SPATA31A1: variants seen among roughly 807,000 people sequenced by gnomAD.
The protein encoded by SPATA31A1 is SPATA31 subfamily A member 1, also known as spermatogenesis-associated protein 31A1.
For missense variants in SPATA31A1, 579 were observed against 1,476.3 expected (o/e 0.39, Z 9.96); for synonymous variants, 194 against 573.4 (o/e 0.34, Z 9.45).
In SPATA31A1 at chr9:39,361,742, A is replaced by C; in HGVS notation, c.3977A>C (p.Lys1326Thr). ...GTCAGTCCCCTTCAGCACTGGCCGA[A>C]GACATCCGGTGCCTCTAGCCACCAT... ...SPVSPLQHWP[K>T]TSGASSHHHH... Residue 1326 changes from lysine (K) to threonine (T), a missense_variant, in exon 4 of 4, where the codon AAG (lysine) becomes ACG (threonine). Coordinates refer to ENST00000377647, the MANE Select transcript of SPATA31A1 (RefSeq NM_001085452.4). The C allele has an allele frequency of 6.2e-7, 1 of 1,612,490 alleles. No individual in the cohort carries two copies. The highest frequency in any genetic ancestry group is 1.1e-5 in the South Asian group (1 of 90,994).
chr9:39,361,267 A>G lies in SPATA31A1; in HGVS notation c.3502A>G (p.Lys1168Glu). 1 of 1,612,070 alleles carries G rather than the reference A, an allele frequency of 6.2e-7. No individual in the cohort carries two copies. The highest frequency in any genetic ancestry group is 1.1e-5 in the South Asian group (1 of 90,994). Reference sequence around the variant, plus strand: ...AGTAAGCCACTTTGGAGGAAACATCAAGCAATTTTTTCAGTGGATTTTTTC... The same window carrying G: ...AGTAAGCCACTTTGGAGGAAACATCGAGCAATTTTTTCAGTGGATTTTTTC... The part of the protein sequence containing the change: ...PSVSHFGGNI[K>E]QFFQWIFSKK... Residue 1168 changes from lysine to glutamate, a missense_variant, in exon 4 of 4, where the codon AAG (lysine) becomes GAG (glutamate). Physicochemically the swap from Lys to Glu is moderately conservative, Grantham distance 56 (BLOSUM62 1). Coordinates refer to ENST00000377647, the MANE Select transcript of SPATA31A1 (RefSeq NM_001085452.4).
rs1288316463 is a variant in SPATA31A1, at chr9:39,358,348, C to T, written c.583C>T (p.His195Tyr). 6.6e-7 allele frequency: 1 copy of T among 1,519,418 alleles called. No homozygotes were observed. The highest frequency in any genetic ancestry group is 1.7e-5 in the African/African-American group (1 of 58,946). 94.1% of individuals were successfully genotyped at this position (1,519,418 alleles called of 1,614,324 possible). ...ACCAGAACCTTCCCTTCCCCTAGAACACCCCTCACCCGAGCCACCTGCACT... is the reference window on the plus strand; with the variant it reads ...ACCAGAACCTTCCCTTCCCCTAGAATACCCCTCACCCGAGCCACCTGCACT... ...QPPEPSLPLE[H>Y]PSPEPPALFP... The change falls in exon 4 of 4, where the codon CAC (histidine) becomes TAC (tyrosine). Residue 195 changes from histidine (H) to tyrosine (Y), a missense_variant. Transcript: ENST00000377647.
chr9:39,358,391 A>G lies in SPATA31A1; in HGVS notation c.626A>G (p.His209Arg). The G allele has an allele frequency of 1.3e-6, 2 of 1,512,592 alleles. No homozygotes were observed. Among genetic ancestry groups the G allele is most frequent in the Non-Finnish European group, 8.9e-7 (1 of 1,122,520 alleles). 93.7% of individuals were successfully genotyped at this position (1,512,592 alleles called of 1,614,324 possible). A position where few individuals can be genotyped will look rare whatever the true frequency, so the allele number is the denominator to read the frequency against. Residue 209 changes from histidine (H) to arginine (R), a missense_variant, in exon 4 of 4, where the codon CAC (histidine) becomes CGC (arginine). Physicochemically the swap from His to Arg is conservative, Grantham distance 29. Coordinates refer to ENST00000377647, the MANE Select transcript of SPATA31A1 (RefSeq NM_001085452.4). ...CCTGCACTTTTCCCTCACCCACCACACACCCCTGATCCTCTGGCCTGCTCT... is the reference window on the plus strand; with the variant it reads ...CCTGCACTTTTCCCTCACCCACCACGCACCCCTGATCCTCTGGCCTGCTCT... ...EPPALFPHPP[H>R]TPDPLACSPP...
At chr9:39,357,104 T>TA (rs1399789065) in intron 1 of SPATA31A1, 28 bp from the exon 2 acceptor site, 1 of 1,603,476 alleles carries the variant, frequency 6.2e-7, no homozygotes, top group African/African-American at 1.4e-5. Flanking sequence ...CGCGTCATCT[T>TA]GTCTCCGTAC....
In SPATA31A1 at chr9:39,358,746, C is replaced by T. The variant is rs1210889278; in HGVS notation, c.981C>T (p.Ala327=). 55 of 1,603,064 alleles carry T rather than the reference C, an allele frequency of 3.4e-5. No individual in the cohort carries two copies. The Middle Eastern group carries it at 6.6e-4, about 19-fold the overall frequency. Residue 327 remains alanine, a synonymous_variant, in exon 4 of 4, where the codon GCC becomes GCT. Transcript: ENST00000377647. ...TGCTCAGCTCTGATGGCCAGAATGC[C>T]GTGGGGATACAAGTCACAGAAACAG... The part of the protein sequence containing the change: ...LFLLSSDGQN[A]VGIQVTETAK...
Position 39,355,842 on chromosome 9 carries a change from T to C in SPATA31A1, c.112T>C (p.Phe38Leu). The change falls in exon 1 of 4, where the codon TTC (phenylalanine) becomes CTC (leucine). Residue 38 changes from phenylalanine (F) to leucine (L), a missense_variant. By Grantham distance (22) the Phe-to-Leu change is conservative. Transcript: ENST00000377647. Reference protein sequence around the residue: ...IFLTLVFALGFFFLLLPYLSY... With the variant: ...IFLTLVFALGLFFLLLPYLSY... ...CCTCACTTTGGTGTTTGCCCTGGGG[T>C]TCTTCTTCCTATTACTCCCCTACTT... is the stretch of plus-strand genomic sequence containing the variant. 2.8e-6 allele frequency: 1 copy of C among 356,018 alleles called. No homozygotes were observed. Among genetic ancestry groups the C allele is most frequent in the Non-Finnish European group, 4.4e-6 (1 of 226,184 alleles). 22.1% of individuals were successfully genotyped at this position (356,018 alleles called of 1,614,324 possible). A position where few individuals can be genotyped will look rare whatever the true frequency, so the allele number is the denominator to read the frequency against.
chr9:39,356,417 G>T (rs1222378334), intron 1 of SPATA31A1, among the ~76,000 whole-genome samples: 1 of 118,572 alleles, frequency 8.4e-6, no homozygotes, highest in Non-Finnish European at 1.8e-5. Flanking sequence ...CTGAACTTGG[G>T]TGTTCCTGGA....
At chr9:39,357,891 G>A (rs1419437346) in intron 3 of SPATA31A1, 73 bp downstream of exon 3, 65 of 1,500,438 alleles carry the variant, frequency 4.3e-5, no homozygotes, top group South Asian at 4.9e-5. Context: ...AGGCAGCCTG[G>A]AGCTGACCTG....
chr9:39,358,832 C>T lies in SPATA31A1; in HGVS notation c.1067C>T (p.Pro356Leu). Residue 356 changes from proline to leucine, a missense_variant, in exon 4 of 4, where the codon CCA becomes CTA. Pro to Leu is a moderately conservative substitution (Grantham distance 98). Coordinates refer to ENST00000377647, the MANE Select transcript of SPATA31A1 (RefSeq NM_001085452.4). ...GGATCATTTACAGATCGAATGACCC[C>T]AGAAAAGCACTTAAATTCTTTGCGG... ...NVGSFTDRMT[P>L]EKHLNSLRNL... The T allele has an allele frequency of 1.3e-6, 2 of 1,596,528 alleles. No individual in the cohort carries two copies. Among genetic ancestry groups the T allele is most frequent in the Non-Finnish European group, 1.7e-6 (2 of 1,179,736 alleles).
intron 2 of SPATA31A1, 105 bp from the exon 3 acceptor site, chr9:39,357,653 C>T: frequency 1.9e-6 from 3 of 1,596,422 alleles, no homozygotes; most frequent in Non-Finnish European, 2.6e-6. Flanking sequence ...GGGTGGGGCC[C>T]AGGGTCTAAT....
At position 39,357,556 on chromosome 9, in the gene SPATA31A1, C is replaced by T. The variant is rs1043477684; in HGVS notation, c.248-202C>T. On this transcript the variant is annotated intron_variant, in intron 2 of 3. Coordinates refer to ENST00000377647, the MANE Select transcript of SPATA31A1 (RefSeq NM_001085452.4). ...GTGAGGACTGTGGGGGTGGGGGGTC[C>T]GTGTGTGGAAGCCCTTTGTGAATGA... The T allele has an allele frequency of 1.6e-5, 11 of 707,620 alleles. 1 individual carries two copies. The highest frequency in any genetic ancestry group is 7.4e-5 in the African/African-American group (4 of 53,908). The allele number at this position is 707,620 out of a possible 1,614,324, so 43.8% of individuals were successfully genotyped here.
rs1313661465 is a variant in SPATA31A1 at position 39,361,209 on chromosome 9, C to T, written c.3444C>T (p.Val1148=). Residue 1148 remains valine (V), a synonymous_variant, in exon 4 of 4, where the codon GTC becomes GTT. Transcript: ENST00000377647. Reference sequence around the variant, plus strand: ...AAGACACCCATCAGGATGAAGGCGTCCAGCTACTGCCATCAAAGAAACAGC... The same window carrying T: ...AAGACACCCATCAGGATGAAGGCGTTCAGCTACTGCCATCAAAGAAACAGC... ...KTEDTHQDEG[V]QLLPSKKQPP... 1 of 1,611,540 alleles carries T rather than the reference C, an allele frequency of 6.2e-7. No homozygotes were observed. The highest frequency in any genetic ancestry group is 2.2e-5 in the East Asian group (1 of 44,872).
chr9:39,358,452 G>T lies in SPATA31A1; in HGVS notation c.687G>T (p.Leu229=). The change falls in exon 4 of 4, where the codon CTG becomes CTT. Residue 229 remains leucine (L), a synonymous_variant. Transcript: ENST00000377647. ...CAAAAGGCTTCACTGCTCCTCCCCT[G>T]CGGGACTCCACACTGATAACTCCAT... ...PPPKGFTAPP[L]RDSTLITPSH... is the part of the protein sequence containing the mutation. 1 of 1,554,942 alleles carries T rather than the reference G, an allele frequency of 6.4e-7. No homozygotes were observed. The highest frequency in any genetic ancestry group is 1.8e-5 in the Admixed American group (1 of 55,544).
chr9:39,361,050 C>T lies in SPATA31A1; in HGVS notation c.3285C>T (p.Gly1095=). 6.2e-7 allele frequency: 1 copy of T among 1,610,986 alleles called. No homozygotes were observed. Among genetic ancestry groups the T allele is most frequent in the Non-Finnish European group, 8.5e-7 (1 of 1,179,648 alleles). Residue 1095 remains glycine, a synonymous_variant, in exon 4 of 4, where the codon GGC becomes GGT. Coordinates refer to ENST00000377647, the MANE Select transcript of SPATA31A1 (RefSeq NM_001085452.4). The stretch of plus-strand genomic sequence containing the variant: ...AGCCCAGAAACCCAAACTGTCAAGG[C>T]TCATGCAAGAACCAAAGGCCAATGT... ...HEEPRNPNCQ[G]SCKNQRPMFP...
Position 39,358,737 on chromosome 9 carries a change from C to G in SPATA31A1, c.972C>G (p.Gly324=). The change falls in exon 4 of 4, where the codon GGC becomes GGG. Residue 324 remains glycine, a synonymous_variant. Transcript: ENST00000377647. Reference sequence around the variant, plus strand: ...GCCTGTTTTTGCTCAGCTCTGATGGCCAGAATGCCGTGGGGATACAAGTCA... The same window carrying G: ...GCCTGTTTTTGCTCAGCTCTGATGGGCAGAATGCCGTGGGGATACAAGTCA... ...AGSLFLLSSD[G]QNAVGIQVTE... 4 of 1,604,388 alleles carry G rather than the reference C, an allele frequency of 2.5e-6. No individual in the cohort carries two copies. Among genetic ancestry groups the G allele is most frequent in the Non-Finnish European group, 3.4e-6 (4 of 1,179,780 alleles).
rs1823389676 is a variant in SPATA31A1 at position 39,358,713 on chromosome 9, C to A, written c.948C>A (p.Ser316Arg). The change falls in exon 4 of 4, where the codon AGC (serine) becomes AGA (arginine). Residue 316 changes from serine (S) to arginine (R), a missense_variant. Physicochemically the swap from Ser to Arg is moderately radical, Grantham distance 110 (BLOSUM62 -1). Transcript: ENST00000377647. ...AGACCTACCAGATGGAAGCTGGTAGCCTGTTTTTGCTCAGCTCTGATGGCC... is the reference window on the plus strand; with the variant it reads ...AGACCTACCAGATGGAAGCTGGTAGACTGTTTTTGCTCAGCTCTGATGGCC... ...PPETYQMEAG[S>R]LFLLSSDGQN... is the part of the protein sequence containing the mutation. The A allele has an allele frequency of 1.9e-6, 3 of 1,607,012 alleles. No individual in the cohort carries two copies. The highest frequency in any genetic ancestry group is 1.3e-5 in the African/African-American group (1 of 74,620).
rs1001159299 is a variant in SPATA31A1, at chr9:39,361,363, T to C, written c.3598T>C (p.Tyr1200His). ...QKTVKNRSCV[Y>H]SSSAEAQGLM... ...AACAGTGAAAAACAGATCATGTGTG[T>C]ACAGCAGCAGTGCTGAAGCTCAGGG... Residue 1200 changes from tyrosine to histidine, a missense_variant, in exon 4 of 4, where the codon TAC becomes CAC. Coordinates refer to ENST00000377647, the MANE Select transcript of SPATA31A1 (RefSeq NM_001085452.4). The C allele has an allele frequency of 1.9e-5, 30 of 1,613,494 alleles. 1 individual carries two copies. The African/African-American group carries it at 2.9e-4, about 16-fold the overall frequency.
chr9:39,356,405 G>A (rs1261236318), intron 1 of SPATA31A1, among the ~76,000 whole-genome samples: 1 of 104,296 alleles, frequency 9.6e-6, no homozygotes, highest in South Asian at 3.7e-4. Flanking sequence ...GTGCCTGCGG[G>A]CCTGAACTTG....
chr9:39,356,589 ATTTTATTTTATT>A (rs1823334263), intron 1 of SPATA31A1, among the ~76,000 whole-genome samples: 4 of 38,532 alleles, frequency 1.0e-4, no homozygotes, highest in Non-Finnish European at 1.8e-4. Context: ...ATTTTATTTT[ATTTTATTTTATT>A]TTATTTTTTG....
Sources: allele counts gnomAD v4.1 joint callset (sites outside exome capture counted in the v4.1 genomes callset), GRCh38; gene constraint gnomAD v4.1.1; transcripts MANE v1.5; gene names NCBI Gene and HGNC (gene_info 2026-07-23, HGNC 2026-07-21).